Variants in ZNF407 observed in about 807,000 individuals in gnomAD.
ZNF407 encodes zinc finger protein 407.
ZNF407 carries 17 observed loss-of-function variants against 131.2 expected under a neutral mutation model. The observed-to-expected ratio is 0.13, with a 90% confidence interval of 0.09 to 0.19. The LOEUF is 0.19. Among genes scored for constraint, ZNF407 ranks in the 10% least tolerant of loss-of-function variants. The probability of loss-of-function intolerance (pLI) is 1.00; values close to 1 mark genes in which losing one functional copy is unlikely to be tolerated. For synonymous variants in ZNF407, 1,156 were observed against 1,062.0 expected (o/e 1.09, Z -1.72); for missense variants, 2,681 against 2,830.6 (o/e 0.95, Z 1.20).
At chr18:74,942,206 C>T (rs74846221) in intron 8 of ZNF407, among the ~76,000 whole-genome samples, 7,063 of 152,230 alleles carry the variant, frequency 0.046, 553 homozygotes, top group African/African-American at 0.16. Flanking sequence ...ACGAATCTCC[C>T]CTGCAGCAGG....
chr18:74,718,417 G>C (rs1042444233), intron 3 of ZNF407, among the ~76,000 whole-genome samples: 9 of 151,912 alleles, frequency 5.9e-5, no homozygotes, highest in Non-Finnish European at 1.2e-4. Flanking sequence ...CCAGCTACTT[G>C]GGAGGCTGAG....
rs372172627 is a variant in ZNF407 at position 74,982,542 on chromosome 18, G to C, written c.5428+61850G>C. ...AATCATTGGAAACTTACAAAGCTCA[G>C]ACTTTATTACTGAGTTCCCTTGCTA... On this transcript the variant is annotated intron_variant, in intron 8 of 8. Transcript: ENST00000299687. Among the ~76,000 whole-genome samples the C allele has an allele frequency of 9.2e-5, 14 of 152,326 alleles. No individual in the cohort carries two copies. In the East Asian group the frequency reaches 1.9e-3, roughly 21 times the overall value.
intron 3 of ZNF407, among the ~76,000 whole-genome samples, chr18:74,680,605 TG>T (rs1425979246): frequency 6.6e-6 from 1 of 152,046 alleles, no homozygotes; most frequent in Admixed American, 6.6e-5. Context: ...TTTTTGTATG[TG>T]TGGTTAGGAG....
intron 8 of ZNF407, among the ~76,000 whole-genome samples, chr18:74,934,054 A>G (rs1972012167): frequency 6.6e-6 from 1 of 152,162 alleles, no homozygotes; most frequent in Non-Finnish European, 1.5e-5. Flanking sequence ...TGGCTGGTCT[A>G]GATGCTTCTA....
At position 74,634,640 on chromosome 18, in the gene ZNF407, C is replaced by T. The variant is rs1238560191; in HGVS notation, c.3621C>T (p.Ala1207=). ...AAAATGAAAATTCAGGAAGCTCTGC[C>T]TTAAATTGTGAGACAGCAAAGAAAA... ...RFQNENSGSS[A]LNCETAKKNH... The change falls in exon 2 of 9, where the codon GCC becomes GCT. Residue 1207 remains alanine, a synonymous_variant. Coordinates refer to ENST00000299687, the MANE Select transcript of ZNF407 (RefSeq NM_017757.3). The T allele has an allele frequency of 6.2e-7, 1 of 1,613,954 alleles. No homozygotes were observed.
intron 7 of ZNF407, among the ~76,000 whole-genome samples, chr18:74,898,871 A>G (rs1971486773): frequency 6.6e-6 from 1 of 152,204 alleles, no homozygotes; most frequent in Non-Finnish European, 1.5e-5. Flanking sequence ...TTTTGGATTG[A>G]AGTGTCTGGG....
At position 74,632,152 on chromosome 18, in the gene ZNF407, A is replaced by G. The variant is rs77518676; in HGVS notation, c.1133A>G (p.Gln378Arg). The G allele has an allele frequency of 6.1e-4, 989 of 1,614,032 alleles. 10 individuals are homozygous for G. In the African/African-American group the frequency reaches 0.01, roughly 17 times the overall value. Residue 378 changes from glutamine (Q) to arginine (R), a missense_variant, in exon 2 of 9, where the codon CAG becomes CGG. Gln to Arg is a conservative substitution (Grantham distance 43, BLOSUM62 1). Around this residue, in one of 6 missense-constraint regions of ZNF407, gnomAD observed 1,789 missense variants for 1,748.7 expected, o/e 1.02. Coordinates refer to ENST00000299687, the MANE Select transcript of ZNF407 (RefSeq NM_017757.3). ...GGTCTAGCTCAGAATCCTGAAAACCAGAGTAGAAAGCTAGACACCTTAGTA... is the reference window on the plus strand; with the variant it reads ...GGTCTAGCTCAGAATCCTGAAAACCGGAGTAGAAAGCTAGACACCTTAGTA... ...SLGLAQNPEN[Q>R]SRKLDTLVTS...
chr18:74,822,793 C>A (rs1599177168), intron 4 of ZNF407, among the ~76,000 whole-genome samples: 2 of 152,070 alleles, frequency 1.3e-5, no homozygotes, highest in South Asian at 4.1e-4. Flanking sequence ...TTTTTTTCCA[C>A]TTCTGTGAAG....
intron 8 of ZNF407, among the ~76,000 whole-genome samples, chr18:74,998,592 A>C (rs958756479): frequency 1.1e-4 from 17 of 151,612 alleles, no homozygotes; most frequent in Non-Finnish European, 2.5e-4. Flanking sequence ...AAAACACATG[A>C]AGAAATGCTC....
At chr18:74,980,366 G>A (rs1201381347) in intron 8 of ZNF407, among the ~76,000 whole-genome samples, 2 of 151,422 alleles carry the variant, frequency 1.3e-5, no homozygotes, top group African/African-American at 2.4e-5. Flanking sequence ...GGAGTGCAAC[G>A]GCGTGACCTC....
At chr18:74,902,286 A>G (rs997645184) in intron 7 of ZNF407, among the ~76,000 whole-genome samples, 3 of 152,248 alleles carry the variant, frequency 2.0e-5, no homozygotes, top group Admixed American at 6.5e-5. Context: ...TCCAGCTGAC[A>G]TAATTACAAC....
intron 8 of ZNF407, among the ~76,000 whole-genome samples, chr18:74,988,102 G>A (rs1334969748): frequency 6.6e-6 from 1 of 152,168 alleles, no homozygotes; most frequent in African/African-American, 2.4e-5. Flanking sequence ...TAGTCGGAAG[G>A]CCACAAATAG....
intron 3 of ZNF407, among the ~76,000 whole-genome samples, chr18:74,660,768 T>C (rs895633104): frequency 6.6e-6 from 1 of 152,146 alleles, no homozygotes; most frequent in African/African-American, 2.4e-5. Flanking sequence ...CTGGGAAAAA[T>C]TATTTTAAGA....
chr18:74,756,127 C>T (rs1394139490), intron 3 of ZNF407, among the ~76,000 whole-genome samples: 2 of 151,764 alleles, frequency 1.3e-5, no homozygotes, highest in African/African-American at 2.4e-5. Flanking sequence ...CTCCTGACCT[C>T]ATGATGTGCT....
intron 7 of ZNF407, among the ~76,000 whole-genome samples, chr18:74,907,326 A>G (rs578145901): frequency 3.3e-5 from 5 of 152,268 alleles, no homozygotes; most frequent in East Asian, 1.9e-4. Flanking sequence ...AGCAACACGC[A>G]AGGATTTTGT....
intron 4 of ZNF407, chr18:74,804,139 C>A: frequency 8.8e-7 from 1 of 1,137,508 alleles, no homozygotes; most frequent in Non-Finnish European, 1.2e-6. Flanking sequence ...ATTTCATTGT[C>A]TTTTTTTTTT....
chr18:75,029,081 G>GC (rs979025918), intron 8 of ZNF407, among the ~76,000 whole-genome samples: 1 of 152,100 alleles, frequency 6.6e-6, no homozygotes, highest in African/African-American at 2.4e-5. Flanking sequence ...ATAAAGACTG[G>GC]CCCTTTTCTC....
intron 8 of ZNF407, among the ~76,000 whole-genome samples, chr18:75,042,747 C>T (rs1973388101): frequency 6.6e-6 from 1 of 152,226 alleles, no homozygotes; most frequent in Admixed American, 6.5e-5. Flanking sequence ...AATCTCTTCT[C>T]CTAGCACTCA....
At chr18:74,847,553 T>C (rs1484880504) in intron 4 of ZNF407, among the ~76,000 whole-genome samples, 1 of 152,196 alleles carries the variant, frequency 6.6e-6, no homozygotes, top group Non-Finnish European at 1.5e-5. Context: ...TTTAATTTCT[T>C]TTTTTCTCTT....
Sources: allele counts gnomAD v4.1 joint callset (sites outside exome capture counted in the v4.1 genomes callset), GRCh38; gene constraint gnomAD v4.1.1; regional missense constraint gnomAD v4.1.1; transcripts MANE v1.5; gene names NCBI Gene and HGNC (gene_info 2026-07-23, HGNC 2026-07-21).